The following MICU3 variants were observed in gnomAD, a reference collection of about 807,000 sequenced individuals.
MICU3 encodes mitochondrial calcium uptake 3.
In MICU3, 62 loss-of-function variants were observed where a neutral mutation model predicts 66.5. The observed-to-expected ratio is 0.93, with a 90% CI of 0.76 to 1.15. The LOEUF is 1.15. Among genes scored for constraint, MICU3 ranks in the 50% most tolerant of loss-of-function variants. The pLI, the probability that MICU3 is intolerant of heterozygous loss-of-function variation, is 0.00. For synonymous variants in MICU3, 308 were observed against 240.7 expected, an observed-to-expected ratio of 1.28 and a Z score of -2.59; for missense variants, 779 against 664.4, an observed-to-expected ratio of 1.17 and a Z score of -1.90.
At chr8:17,047,459 G>A (rs916226486) in intron 1 of MICU3, among the ~76,000 whole-genome samples, 75 of 152,280 alleles carry the variant, frequency 4.9e-4, no homozygotes, top group African/African-American at 1.7e-3. Flanking sequence ...AGAGATAATG[G>A]TTGAAAAGTT....
At chr8:17,051,569 T>C (rs934993459) in intron 1 of MICU3, among the ~76,000 whole-genome samples, 2 of 151,986 alleles carry the variant, frequency 1.3e-5, no homozygotes, top group African/African-American at 2.4e-5. Flanking sequence ...CCAGCAAAAA[T>C]ACCAAACAGG....
At chr8:17,125,400 A>G (rs781712569), downstream of MICU3, among the ~76,000 whole-genome samples, 19 of 148,306 alleles carry the variant, frequency 1.3e-4, no homozygotes, top group Non-Finnish European at 2.1e-4. Context: ...TCCCATTTGT[A>G]TTTTGGGTTT....
intron 12 of MICU3, among the ~76,000 whole-genome samples, chr8:17,115,734 T>C (rs1802618930): frequency 6.6e-6 from 1 of 152,158 alleles, no homozygotes; most frequent in Non-Finnish European, 1.5e-5. Flanking sequence ...GGAAAACTCT[T>C]AAGTTTTCCA....
chr8:17,033,337 C>G (rs1199142547), intron 1 of MICU3, among the ~76,000 whole-genome samples: 2 of 152,174 alleles, frequency 1.3e-5, no homozygotes, highest in African/African-American at 4.8e-5. Context: ...ACAAAACAGC[C>G]TTACTGCTGA....
At chr8:17,034,321 C>T (rs1358854056) in intron 1 of MICU3, among the ~76,000 whole-genome samples, 1 of 152,246 alleles carries the variant, frequency 6.6e-6, no homozygotes, top group Non-Finnish European at 1.5e-5. Flanking sequence ...TGTACGTAGT[C>T]ACCCAAGAGG....
intron 4 of MICU3, among the ~76,000 whole-genome samples, chr8:17,081,245 T>TAA: frequency 6.6e-6 from 1 of 152,264 alleles, no homozygotes; most frequent in South Asian, 2.1e-4. Context: ...CATTTCTAAG[T>TAA]AACAGGGTCT....
At chr8:17,125,300 CT>C (rs1264066839), downstream of MICU3, among the ~76,000 whole-genome samples, 1 of 151,540 alleles carries the variant, frequency 6.6e-6, no homozygotes, top group Admixed American at 6.6e-5. Context: ...TTCTCCCATT[CT>C]TGTTTCATCT....
intron 9 of MICU3, chr8:17,102,729 A>T (rs1209052250): frequency 6.6e-6 from 1 of 151,998 alleles, no homozygotes; most frequent in African/African-American, 2.4e-5. Context: ...TTTAAAACAT[A>T]GTATGTGACA....
chr8:17,088,750 A>C (rs1008777410), intron 7 of MICU3, among the ~76,000 whole-genome samples: 2 of 151,962 alleles, frequency 1.3e-5, no homozygotes, highest in African/African-American at 4.8e-5. Context: ...AAGGGAGATA[A>C]AAAAGAGAAA....
chr8:17,040,545 A>C (rs1813889220), intron 1 of MICU3, among the ~76,000 whole-genome samples: 1 of 152,240 alleles, frequency 6.6e-6, no homozygotes, highest in African/African-American at 2.4e-5. Flanking sequence ...ACTGAGTCGT[A>C]GTAGCTTTAG....
chr8:17,129,767 T>C, the MICU3 span, among the ~76,000 whole-genome samples: 3 of 152,144 alleles, frequency 2.0e-5, no homozygotes, highest in East Asian at 5.8e-4. Context: ...TCTTCCCAAA[T>C]TTGAAGAAAT....
chr8:17,100,324 G>A (rs937563838), intron 9 of MICU3, among the ~76,000 whole-genome samples: 1 of 151,460 alleles, frequency 6.6e-6, no homozygotes, highest in East Asian at 1.9e-4. Context: ...TTTCATGAAA[G>A]TAAATCTGAT....
intron 4 of MICU3, among the ~76,000 whole-genome samples, chr8:17,079,152 AT>A: frequency 6.6e-6 from 1 of 152,000 alleles, no homozygotes; most frequent in Middle Eastern, 3.4e-3. Context: ...ACATGTTTGC[AT>A]TTTTTTCCCC....
chr8:17,081,543 TTG>T (rs1307521800), intron 4 of MICU3, 148 bp from the exon 5 acceptor site: 6 of 329,806 alleles, frequency 1.8e-5, no homozygotes, highest in Non-Finnish European at 2.8e-5. Context: ...AAAATTAAAT[TTG>T]TTGCTTCTTT....
At chr8:17,127,058 A>G (rs776253856), downstream of MICU3, among the ~76,000 whole-genome samples, 1 of 152,238 alleles carries the variant, frequency 6.6e-6, no homozygotes, top group Non-Finnish European at 1.5e-5. Flanking sequence ...GTCTGCTAGC[A>G]GATTTTAAAC....
rs184216847 is a variant in MICU3 at position 17,050,574 on chromosome 8, T to A, written c.382-13510T>A. Among the ~76,000 whole-genome samples the A allele has an allele frequency of 4.6e-5, 7 of 152,264 alleles. 1 individual carries two copies. In the South Asian group the frequency reaches 8.3e-4, roughly 18 times the overall value. On this transcript the variant is annotated intron_variant, in intron 1 of 14. Transcript: ENST00000318063. ...TTTCTTATTTGGCTTCTCTATTTGA[T>A]CTGTCCATTTCTAGTTGAGATCTAT...
intron 2 of MICU3, among the ~76,000 whole-genome samples, chr8:17,067,176 G>A (rs1003855744): frequency 2.0e-5 from 3 of 152,180 alleles, no homozygotes; most frequent in Non-Finnish European, 4.4e-5. Flanking sequence ...ATAGAACAAT[G>A]TTTCATGTAC....
chr8:17,080,377 G>A (rs1821003459), intron 4 of MICU3, among the ~76,000 whole-genome samples: 1 of 151,988 alleles, frequency 6.6e-6, no homozygotes, highest in South Asian at 2.1e-4. Flanking sequence ...GGGAAATCTT[G>A]AGTTAACTAT....
Position 17,090,577 on chromosome 8 carries a change from C to T in MICU3, c.881C>T (p.Thr294Ile). 2 of 1,609,482 alleles carry T rather than the reference C, an allele frequency of 1.2e-6. No individual in the cohort carries two copies. Among genetic ancestry groups the T allele is most frequent in the African/African-American group, 2.7e-5 (2 of 74,780 alleles). Reference protein sequence around the residue: ...RLQLYGYHSPTNSVLKTDAEE... With the variant: ...RLQLYGYHSPINSVLKTDAEE... ...CAACTTTATGGATACCATTCTCCTACTAATAGTGTATGTACAATACTTTAA... is the reference window on the plus strand; with the variant it reads ...CAACTTTATGGATACCATTCTCCTATTAATAGTGTATGTACAATACTTTAA... The change falls in exon 8 of 15, where the codon ACT (threonine) becomes ATT (isoleucine). Residue 294 changes from threonine (T) to isoleucine (I), a missense_variant. Thr to Ile is a moderately conservative substitution (Grantham distance 89). Transcript: ENST00000318063.
Sources: allele counts gnomAD v4.1 joint callset (sites outside exome capture counted in the v4.1 genomes callset), GRCh38; gene constraint gnomAD v4.1.1; transcripts MANE v1.5; gene names NCBI Gene and HGNC (gene_info 2026-07-23, HGNC 2026-07-21).